Variants in PDE4D observed in about 807,000 individuals in gnomAD.
PDE4D encodes phosphodiesterase 4D.
A neutral mutation model predicts 87.4 loss-of-function variants in PDE4D; 24 were observed. The ratio of observed to expected loss-of-function variants is 0.27; its 90% CI spans 0.20 to 0.39. PDE4D has a LOEUF of 0.39. Ranked by LOEUF, PDE4D falls within the 10% of genes least tolerant of loss-of-function variation. The probability of loss-of-function intolerance (pLI) is 1.00; values close to 1 mark genes in which losing one functional copy is unlikely to be tolerated. For missense variants in PDE4D, 714 were observed against 1,041.0 expected (o/e 0.69, Z 4.32); for synonymous variants, 384 against 383.2 (o/e 1.00, Z -0.02).
intron 2 of PDE4D, among the ~76,000 whole-genome samples, chr5:60,092,621 C>T (rs554820918): frequency 6.6e-6 from 1 of 150,764 alleles, no homozygotes; most frequent in African/African-American, 2.5e-5. Context: ...AAAGTTAGGA[C>T]TTCTGCACGC....
At chr5:59,848,154 A>C (rs941034659) in intron 1 of PDE4D, among the ~76,000 whole-genome samples, 4 of 152,062 alleles carry the variant, frequency 2.6e-5, no homozygotes, top group Non-Finnish European at 4.4e-5. Context: ...AGCTTTAAAA[A>C]ATAAGAGTCA....
Position 58,974,892 on chromosome 5 carries a change from G to T in PDE4D, c.2202C>A (p.Phe734Leu). The T allele has an allele frequency of 6.2e-7, 1 of 1,612,318 alleles. No individual in the cohort carries two copies. The highest frequency in any genetic ancestry group is 8.5e-7 in the Non-Finnish European group (1 of 1,178,744). Reference sequence around the variant, plus strand: ...CTTCCTCTAAAGTTAGTTCAAACTGGAATTTCTCAGTTTGACCCTGCCGGC... The same window carrying T: ...CTTCCTCTAAAGTTAGTTCAAACTGTAATTTCTCAGTTTGACCCTGCCGGC... ...EEGRQGQTEK[F>L]QFELTLEEDG... is the part of the protein sequence containing the mutation. The change falls in exon 15 of 15, where the codon TTC (phenylalanine) becomes TTA (leucine). Residue 734 changes from phenylalanine (F) to leucine (L), a missense_variant. By Grantham distance (22) the Phe-to-Leu change is conservative. Coordinates refer to ENST00000340635, the MANE Select transcript of PDE4D (RefSeq NM_001104631.2).
At chr5:60,105,812 T>A (rs1028194204) in intron 2 of PDE4D, among the ~76,000 whole-genome samples, 4 of 152,118 alleles carry the variant, frequency 2.6e-5, no homozygotes, top group Admixed American at 2.6e-4. Flanking sequence ...AAGCAAATGC[T>A]GAGAGATTTT....
intron 2 of PDE4D, among the ~76,000 whole-genome samples, chr5:59,202,822 CTCTGAG>C (rs1343759908): frequency 6.6e-6 from 1 of 152,166 alleles, no homozygotes; most frequent in Admixed American, 6.5e-5. Context: ...CCACGTGGAA[CTCTGAG>C]TCCAGTTAAA....
At chr5:59,117,662 G>A (rs1417170586) in intron 5 of PDE4D, among the ~76,000 whole-genome samples, 1 of 152,086 alleles carries the variant, frequency 6.6e-6, no homozygotes, top group East Asian at 1.9e-4. Flanking sequence ...GCTGTTGCAG[G>A]AATATGCTGG....
At chr5:59,797,705 T>C (rs948738368) in intron 1 of PDE4D, among the ~76,000 whole-genome samples, 2 of 152,144 alleles carry the variant, frequency 1.3e-5, no homozygotes, top group Non-Finnish European at 2.9e-5. Context: ...GATCTCACAC[T>C]GCCAGCCTCC....
At chr5:59,413,319 G>A (rs62357496) in intron 1 of PDE4D, among the ~76,000 whole-genome samples, 25,700 of 151,600 alleles carry the variant, frequency 0.17, 2,894 homozygotes, top group African/African-American at 0.31. Flanking sequence ...TTAGCCGGGC[G>A]TAGTGGTGGG....
At chr5:59,209,618 C>T (rs1397827219) in intron 2 of PDE4D, among the ~76,000 whole-genome samples, 1 of 152,148 alleles carries the variant, frequency 6.6e-6, no homozygotes, top group Admixed American at 6.5e-5. Flanking sequence ...AATAATAGTT[C>T]CAATTATTAA....
At chr5:59,986,897 T>C (rs891917566) in intron 3 of PDE4D, 2 of 152,232 alleles carry the variant, frequency 1.3e-5, no homozygotes, top group African/African-American at 2.4e-5. Context: ...AAGGCATCCC[T>C]GGTGAACACA....
chr5:60,263,842 G>C (rs1749899801), intron 1 of PDE4D, among the ~76,000 whole-genome samples: 1 of 151,912 alleles, frequency 6.6e-6, no homozygotes, highest in South Asian at 2.1e-4. Context: ...CAAAGTCCTT[G>C]GCTTTGAGAA....
At chr5:59,557,705 T>A (rs1399661840) in intron 1 of PDE4D, among the ~76,000 whole-genome samples, 3 of 152,190 alleles carry the variant, frequency 2.0e-5, no homozygotes, top group African/African-American at 7.2e-5. Context: ...GGCATTTTAT[T>A]TAATTAAAGA....
intron 2 of PDE4D, among the ~76,000 whole-genome samples, chr5:60,164,939 A>G (rs957317178): frequency 1.3e-5 from 2 of 152,138 alleles, no homozygotes; most frequent in African/African-American, 4.8e-5. Context: ...CAATAATACA[A>G]TATATTGCCA....
intron 1 of PDE4D, among the ~76,000 whole-genome samples, chr5:59,291,729 T>TA (rs1277036829): frequency 7.8e-6 from 1 of 128,998 alleles, no homozygotes; most frequent in Non-Finnish European, 1.6e-5. Flanking sequence ...TTAAAAAAAG[T>TA]AAAAAGAAGT....
At chr5:59,887,720 AGTGTGTGTGTGTGTGTGTTTGT>A (rs1359796574) in intron 1 of PDE4D, among the ~76,000 whole-genome samples, 1 of 150,774 alleles carries the variant, frequency 6.6e-6, no homozygotes, top group African/African-American at 2.4e-5. Context: ...GCAAGCCATC[AGTGTGTGTGTGTGTGTGTTTGT>A]GTGTGTGTGT....
intron 3 of PDE4D, among the ~76,000 whole-genome samples, chr5:59,914,033 A>G (rs1289879240): frequency 6.6e-6 from 1 of 152,130 alleles, no homozygotes; most frequent in Admixed American, 6.6e-5. Flanking sequence ...TAGAATATGT[A>G]CATTTCTCTA....
At chr5:59,054,951 CAT>C (rs1385813504) in intron 5 of PDE4D, among the ~76,000 whole-genome samples, 3 of 152,180 alleles carry the variant, frequency 2.0e-5, no homozygotes, top group Non-Finnish European at 4.4e-5. Context: ...GAGTAGAACA[CAT>C]AAAAAGATTT....
At chr5:59,337,086 G>A (rs1265539558) in intron 1 of PDE4D, among the ~76,000 whole-genome samples, 2 of 152,150 alleles carry the variant, frequency 1.3e-5, no homozygotes, top group African/African-American at 4.8e-5. Context: ...CTTTGATGAG[G>A]AAAAGTGTGT....
intron 1 of PDE4D, among the ~76,000 whole-genome samples, chr5:60,201,390 G>C (rs755664671): frequency 5.3e-5 from 8 of 151,974 alleles, no homozygotes; most frequent in Non-Finnish European, 1.0e-4. Flanking sequence ...GTTTAGAAAG[G>C]TAGAGGGACT....
chr5:59,485,419 C>A (rs1038395440), intron 1 of PDE4D, among the ~76,000 whole-genome samples: 4 of 151,986 alleles, frequency 2.6e-5, no homozygotes, highest in African/African-American at 9.7e-5. Context: ...AAAAGATATA[C>A]CCAGGAAATT....
Sources: allele counts gnomAD v4.1 joint callset (sites outside exome capture counted in the v4.1 genomes callset), GRCh38; gene constraint gnomAD v4.1.1; transcripts MANE v1.5; gene names NCBI Gene and HGNC (gene_info 2026-07-23, HGNC 2026-07-21).